ECPAS: variants seen among roughly 807,000 people sequenced by gnomAD.
The protein encoded by ECPAS is proteasome adapter and scaffold protein ECM29.
In ECPAS, 70 loss-of-function variants were observed where a neutral mutation model predicts 255.1. The ratio of observed to expected loss-of-function variants is 0.27; its 90% CI spans 0.23 to 0.33. The LOEUF is 0.33. Ranked by LOEUF, ECPAS falls within the 10% of genes least tolerant of loss-of-function variation. ECPAS has a pLI of 1.00. For synonymous variants in ECPAS, 784 were observed against 775.0 expected, an observed-to-expected ratio of 1.01 and a Z score of -0.19; for missense variants, 1,817 against 2,206.4, an observed-to-expected ratio of 0.82 and a Z score of 3.54.
intron 48 of ECPAS, chr9:111,365,515 A>G (rs1016686560): frequency 3.9e-5 from 6 of 152,802 alleles, no homozygotes; most frequent in African/African-American, 1.5e-4. Flanking sequence ...AAAATACAAA[A>G]ATCAGCTGGG....
intron 2 of ECPAS, among the ~76,000 whole-genome samples, chr9:111,462,972 C>A (rs1057463574): frequency 6.6e-6 from 1 of 152,080 alleles, no homozygotes. Context: ...AAACTCCTGA[C>A]CTCACTCAGG....
chr9:111,479,430 T>C (rs1589247045), intron 1 of ECPAS, among the ~76,000 whole-genome samples: 1 of 151,146 alleles, frequency 6.6e-6, no homozygotes, highest in East Asian at 2.0e-4. Context: ...ATCCTGTCTC[T>C]ACCAAAAAAA....
Position 111,476,574 on chromosome 9 carries a change from ATTT to A in ECPAS, c.-82-3577_-82-3575del, listed in dbSNP as rs58723893. On this transcript the variant is annotated intron_variant, in intron 1 of 49. Coordinates refer to ENST00000684092, the MANE Select transcript of ECPAS (RefSeq NM_001364929.1). The stretch of plus-strand genomic sequence containing the variant: ...CTATGTTCTGTTCAGTAACATCAGA[ATTT>A]TTTTTTTTTTTTTTTTTTTTTGAGA... Among the ~76,000 whole-genome samples the A allele has an allele frequency of 5.5e-4, 58 of 105,928 alleles. No homozygotes were observed. The East Asian group carries it at 9.8e-3, about 18-fold the overall frequency. 69.5% of individuals were successfully genotyped at this position (105,928 alleles called of 152,430 possible).
chr9:111,455,538 C>A (rs541459962), intron 2 of ECPAS, among the ~76,000 whole-genome samples: 1 of 152,202 alleles, frequency 6.6e-6, no homozygotes, highest in Admixed American at 6.5e-5. Context: ...TGGCCCATGG[C>A]TGATATCTGG....
chr9:111,385,272 T>A lies in ECPAS; in HGVS notation c.3633+65A>T. On this transcript the variant is annotated intron_variant, in intron 33 of 49. Transcript: ENST00000684092. ...AAATGGAATTTTGACATACACAACA[T>A]AAATATTTTAATAATTCCAATTTAA... The A allele has an allele frequency of 3.6e-6, 3 of 836,660 alleles. No homozygotes were observed. In the Admixed American group the frequency reaches 8.6e-5, roughly 24 times the overall value. The allele number at this position is 836,660 out of a possible 1,614,324, so 51.8% of individuals were successfully genotyped here.
At chr9:111,401,861 C>T (rs1297248283) in intron 24 of ECPAS, among the ~76,000 whole-genome samples, 11 of 152,324 alleles carry the variant, frequency 7.2e-5, no homozygotes, top group South Asian at 2.1e-4. Flanking sequence ...TCAGACCTTA[C>T]GGTTATCTTT....
chr9:111,375,838 T>C lies in ECPAS; in HGVS notation c.4021-636A>G, dbSNP rs191934265. 1.0e-3 allele frequency among the ~76,000 whole-genome samples: 152 copies of C among 152,312 alleles called. 1 individual carries two copies. Among genetic ancestry groups the C allele is most frequent in the African/African-American group, 3.4e-3 (141 of 41,564 alleles). On this transcript the variant is annotated intron_variant, in intron 37 of 49. Transcript: ENST00000684092. ...CAGTTTAACATAGTTTTTTGTACAC[T>C]TCAGTTTTTTTAGGGGTTGGATCTA...
At chr9:111,378,194 C>T (rs575825884) in intron 36 of ECPAS, among the ~76,000 whole-genome samples, 1 of 152,138 alleles carries the variant, frequency 6.6e-6, no homozygotes, top group Non-Finnish European at 1.5e-5. Context: ...TGATCAGAGA[C>T]CAGGTGACTC....
intron 32 of ECPAS, 81 bp from the exon 33 acceptor site, chr9:111,385,523 C>G (rs2098146886): frequency 1.2e-6 from 1 of 812,752 alleles, no homozygotes; most frequent in Non-Finnish European, 2.0e-6. Context: ...AAAAAGAATA[C>G]AGATTCTGCC....
chr9:111,425,351 C>A, intron 12 of ECPAS, 67 bp downstream of exon 12: 1 of 1,036,334 alleles, frequency 9.6e-7, no homozygotes, highest in South Asian at 1.9e-5. Flanking sequence ...ATTGACAGAC[C>A]AGAAATATTA....
Position 111,370,740 on chromosome 9 carries a change from C to T in ECPAS, c.4763G>A (p.Cys1588Tyr). ...CATTTACCTGCAAGCTGTCACCACA[C>T]AGGCAATGGCTTTCAATAGCTCCTC... is the stretch of plus-strand genomic sequence containing the variant. ...GKEELLKAIACVVTACSAELE... is the reference protein window; with the variant it reads ...GKEELLKAIAYVVTACSAELE... The change falls in exon 44 of 50, where the codon TGT becomes TAT. Residue 1588 changes from cysteine to tyrosine, a missense_variant. Cys to Tyr is a radical substitution (Grantham distance 194). Around this residue, in one of 4 missense-constraint regions of ECPAS, gnomAD observed 960 missense variants for 1,179.0 expected, o/e 0.81. Transcript: ENST00000684092. 6.2e-7 allele frequency: 1 copy of T among 1,607,300 alleles called. No homozygotes were observed. The highest frequency in any genetic ancestry group is 8.5e-7 in the Non-Finnish European group (1 of 1,176,778).
rs145029953 is a variant in ECPAS, at chr9:111,436,691, T to G, written c.708+249A>C. 2.8e-3 allele frequency among the ~76,000 whole-genome samples: 427 copies of G among 152,134 alleles called. 5 individuals are homozygous for G. The highest frequency in any genetic ancestry group is 9.9e-3 in the African/African-American group (410 of 41,514). On this transcript the variant is annotated intron_variant, in intron 7 of 49. Coordinates refer to ENST00000684092, the MANE Select transcript of ECPAS (RefSeq NM_001364929.1). ...AAGTTAAACATATTCAATTTATAAG[T>G]GAGTTGTGCTTTATACTTGACATAT...
intron 10 of ECPAS, among the ~76,000 whole-genome samples, chr9:111,427,016 C>T (rs2098222693): frequency 6.6e-6 from 1 of 151,942 alleles, no homozygotes; most frequent in South Asian, 2.1e-4. Flanking sequence ...TAATCAAGTG[C>T]TACATTATTT....
At chr9:111,426,054 T>C (rs757151430) in intron 10 of ECPAS, among the ~76,000 whole-genome samples, 1 of 152,216 alleles carries the variant, frequency 6.6e-6, no homozygotes, top group African/African-American at 2.4e-5. Context: ...TCTGCAAAGA[T>C]TGTGGGTCTA....
chr9:111,389,436 A>G, intron 31 of ECPAS, 120 bp downstream of exon 31: 6 of 866,162 alleles, frequency 6.9e-6, no homozygotes, highest in Admixed American at 3.4e-5. Context: ...AAGACAATTT[A>G]TTTGTTTAAA....
At chr9:111,382,164 C>CT (rs973713018) in intron 35 of ECPAS, among the ~76,000 whole-genome samples, 2 of 151,102 alleles carry the variant, frequency 1.3e-5, no homozygotes, top group African/African-American at 4.9e-5. Flanking sequence ...TGCCCTGAAT[C>CT]ATTATAAAGT....
At chr9:111,427,935 A>G (rs2098224191) in intron 10 of ECPAS, 107 bp downstream of exon 10, 1 of 888,744 alleles carries the variant, frequency 1.1e-6, no homozygotes, top group African/African-American at 1.7e-5. Flanking sequence ...TAATCTTGTT[A>G]TATACATCAA....
At chr9:111,443,973 A>G (rs2098249460) in intron 4 of ECPAS, among the ~76,000 whole-genome samples, 1 of 152,076 alleles carries the variant, frequency 6.6e-6, no homozygotes, top group African/African-American at 2.4e-5. Context: ...TTTTAAGTTC[A>G]CTTTCATGTA....
chr9:111,378,769 CA>C, intron 35 of ECPAS, 39 bp from the exon 36 acceptor site: 2 of 1,565,166 alleles, frequency 1.3e-6, no homozygotes, highest in Non-Finnish European at 1.7e-6. Context: ...GTCCTTTTAA[CA>C]AAAGTGAGAA....
Sources: allele counts gnomAD v4.1 joint callset (sites outside exome capture counted in the v4.1 genomes callset), GRCh38; gene constraint gnomAD v4.1.1; regional missense constraint gnomAD v4.1.1; transcripts MANE v1.5; gene names NCBI Gene and HGNC (gene_info 2026-07-23, HGNC 2026-07-21).